Variants in RALYL observed in about 807,000 individuals in gnomAD.
RALYL encodes the protein RNA-binding Raly-like protein.
A neutral mutation model predicts 35.1 loss-of-function variants in RALYL; 29 were observed. The ratio of observed to expected loss-of-function variants is 0.83; its 90% confidence interval spans 0.61 to 1.13. The LOEUF (loss-of-function observed/expected upper bound fraction) is 1.13. RALYL is among the 50% of genes most tolerant of loss of function. The pLI, the probability that RALYL is intolerant of heterozygous loss-of-function variation, is 0.00. For synonymous variants in RALYL, 120 were observed against 127.6 expected, an observed-to-expected ratio of 0.94 and a Z score of 0.40; for missense variants, 359 against 360.4, an observed-to-expected ratio of 1.00 and a Z score of 0.03.
intron 1 of RALYL, among the ~76,000 whole-genome samples, chr8:84,397,353 C>T (rs1004087315): frequency 8.5e-5 from 13 of 152,064 alleles, no homozygotes; most frequent in Admixed American, 2.6e-4. Flanking sequence ...GTTACAGAAA[C>T]AATAGGAAAT....
intron 3 of RALYL, among the ~76,000 whole-genome samples, chr8:84,801,811 C>CCAT (rs1823347917): frequency 1.3e-5 from 2 of 152,026 alleles, no homozygotes; most frequent in South Asian, 4.1e-4. Context: ...AGTTTGGGTA[C>CCAT]CATCTTCTTA....
At chr8:84,564,332 C>T (rs148466531) in intron 2 of RALYL, among the ~76,000 whole-genome samples, 139 of 151,784 alleles carry the variant, frequency 9.2e-4, no homozygotes, top group Middle Eastern at 3.4e-3. Flanking sequence ...ATATATGTCA[C>T]ACATAATAAT....
chr8:84,455,721 C>G (rs943309633), intron 1 of RALYL, among the ~76,000 whole-genome samples: 1 of 152,012 alleles, frequency 6.6e-6, no homozygotes, highest in Non-Finnish European at 1.5e-5. Flanking sequence ...ATTATTCAGT[C>G]TCTTGCTTTC....
chr8:84,814,990 A>G (rs1826846613), intron 4 of RALYL, among the ~76,000 whole-genome samples: 1 of 152,232 alleles, frequency 6.6e-6, no homozygotes. Flanking sequence ...ATCATCTACA[A>G]GGTGCTTTCA....
intron 8 of RALYL, among the ~76,000 whole-genome samples, chr8:84,896,644 C>A (rs1445940811): frequency 6.6e-6 from 1 of 152,186 alleles, no homozygotes; most frequent in Non-Finnish European, 1.5e-5. Flanking sequence ...TCCAGGCACA[C>A]ACTGCTCAGC....
intron 4 of RALYL, among the ~76,000 whole-genome samples, chr8:84,816,040 A>G (rs1221248642): frequency 6.6e-6 from 1 of 151,070 alleles, no homozygotes; most frequent in Non-Finnish European, 1.5e-5. Context: ...CTCAAAAAAA[A>G]AAAAAAAAAA....
Position 84,367,451 on chromosome 8 carries a change from A to G in RALYL, c.-23-161848A>G, listed in dbSNP as rs1164962279. 3.4e-5 allele frequency among the ~76,000 whole-genome samples: 5 copies of G among 146,788 alleles called. No individual in the cohort carries two copies. In the East Asian group the frequency reaches 1.0e-3, roughly 30 times the overall value. On this transcript the variant is annotated intron_variant, in intron 1 of 8. Coordinates refer to ENST00000521268, the MANE Select transcript of RALYL (RefSeq NM_173848.7). The stretch of plus-strand genomic sequence containing the variant: ...GTGATCTGCCTGCCTTAGCCTCCCA[A>G]AGTGCTAGAATTAACAGGCATGAGC...
chr8:84,763,227 T>G (rs968001991), intron 2 of RALYL, among the ~76,000 whole-genome samples: 1 of 152,008 alleles, frequency 6.6e-6, no homozygotes, highest in Non-Finnish European at 1.5e-5. Flanking sequence ...ATGAGAAAAG[T>G]GAAGGAACAA....
intron 2 of RALYL, among the ~76,000 whole-genome samples, chr8:84,700,154 A>C (rs1037190186): frequency 6.6e-6 from 1 of 152,112 alleles, no homozygotes; most frequent in Admixed American, 6.5e-5. Flanking sequence ...GATAAAACTC[A>C]GATAAAATTG....
intron 1 of RALYL, among the ~76,000 whole-genome samples, chr8:84,231,413 A>G (rs1586386405): frequency 6.6e-6 from 1 of 152,322 alleles, no homozygotes. Flanking sequence ...AGGTTACAAT[A>G]TATTCCATAG....
At position 84,558,522 on chromosome 8, in the gene RALYL, A is replaced by G. The variant is rs937838936; in HGVS notation, c.256+28945A>G. 7.2e-5 allele frequency among the ~76,000 whole-genome samples: 11 copies of G among 152,230 alleles called. No individual in the cohort carries two copies. The East Asian group carries it at 2.1e-3, about 29-fold the overall frequency. ...ATTTCCATTTAAGAACAATTTTTAA[A>G]AAAATTGTTGTGGAATGATAGTTTC... On this transcript the variant is annotated intron_variant, in intron 2 of 8. Coordinates refer to ENST00000521268, the MANE Select transcript of RALYL (RefSeq NM_173848.7).
intron 4 of RALYL, among the ~76,000 whole-genome samples, chr8:84,832,125 T>C (rs1831051417): frequency 6.6e-6 from 1 of 152,180 alleles, no homozygotes; most frequent in Non-Finnish European, 1.5e-5. Context: ...TGTTTTATGC[T>C]GAATTAATAT....
chr8:84,419,258 A>T (rs2045145010), intron 1 of RALYL, among the ~76,000 whole-genome samples: 1 of 152,044 alleles, frequency 6.6e-6, no homozygotes, highest in Non-Finnish European at 1.5e-5. Context: ...ACCATAATTT[A>T]TGACATCATG....
chr8:84,471,067 A>G (rs915192934), intron 1 of RALYL, among the ~76,000 whole-genome samples: 3 of 152,178 alleles, frequency 2.0e-5, no homozygotes, highest in Non-Finnish European at 4.4e-5. Flanking sequence ...GCTCTGAGTT[A>G]CTTTGTGAAA....
intron 1 of RALYL, among the ~76,000 whole-genome samples, chr8:84,213,906 A>G (rs911552169): frequency 6.6e-6 from 1 of 152,232 alleles, no homozygotes; most frequent in Admixed American, 6.5e-5. Context: ...TGACATTTCA[A>G]TGATACATTT....
chr8:84,269,514 A>T (rs1011360628), intron 1 of RALYL, among the ~76,000 whole-genome samples: 21 of 152,110 alleles, frequency 1.4e-4, no homozygotes, highest in African/African-American at 4.3e-4. Context: ...TTCAGTTTCA[A>T]TTCCATTATC....
chr8:84,840,796 G>A (rs1833098846), intron 4 of RALYL, among the ~76,000 whole-genome samples: 1 of 152,206 alleles, frequency 6.6e-6, no homozygotes, highest in Non-Finnish European at 1.5e-5. Context: ...AGCCAGAAGA[G>A]AGTGGGGGCC....
At chr8:84,446,063 C>T (rs754990374) in intron 1 of RALYL, among the ~76,000 whole-genome samples, 6 of 151,764 alleles carry the variant, frequency 4.0e-5, no homozygotes, top group South Asian at 2.1e-4. Flanking sequence ...ATTTTATATG[C>T]GATATTAGCT....
chr8:84,387,803 CTTTTT>C (rs112006834), intron 1 of RALYL, among the ~76,000 whole-genome samples: 2 of 135,522 alleles, frequency 1.5e-5, no homozygotes, highest in Non-Finnish European at 3.3e-5. Context: ...TTCTTTCTTT[CTTTTT>C]TTTTTTTTTT....
Sources: allele counts gnomAD v4.1 joint callset (sites outside exome capture counted in the v4.1 genomes callset), GRCh38; gene constraint gnomAD v4.1.1; transcripts MANE v1.5; gene names NCBI Gene and HGNC (gene_info 2026-07-23, HGNC 2026-07-21).